Variants in ATG7 observed in about 807,000 individuals in gnomAD.
ATG7 encodes autophagy related 7.
ATG7 carries 70 observed loss-of-function variants against 82.4 expected under a neutral mutation model. That is an observed-to-expected ratio of 0.85 (90% CI 0.70 to 1.04). The LOEUF (loss-of-function observed/expected upper bound fraction) is 1.04, where lower values mean the gene tolerates loss of function less well. Among genes scored for constraint, ATG7 ranks in the 50% least tolerant of loss-of-function variants. The pLI, the probability that ATG7 is intolerant of heterozygous loss-of-function variation, is 0.00. For synonymous variants in ATG7, 287 were observed against 313.0 expected (o/e 0.92, Z 0.88); for missense variants, 792 against 864.3 (o/e 0.92, Z 1.05).
chr3:11,302,769 G>T (rs1032986393), intron 5 of ATG7, among the ~76,000 whole-genome samples: 1 of 152,212 alleles, frequency 6.6e-6, no homozygotes, highest in African/African-American at 2.4e-5. Context: ...TAGATGTCAA[G>T]AGTATCTCAG....
At chr3:11,486,588 G>T (rs1471480960) in intron 20 of ATG7, among the ~76,000 whole-genome samples, 1 of 151,494 alleles carries the variant, frequency 6.6e-6, no homozygotes, top group African/African-American at 2.4e-5. Context: ...AATAGGAGTG[G>T]TGAGAGAGGG....
chr3:11,301,639 A>G (rs1260978255), intron 5 of ATG7, among the ~76,000 whole-genome samples: 1 of 152,198 alleles, frequency 6.6e-6, no homozygotes, highest in Non-Finnish European at 1.5e-5. Flanking sequence ...CTGTCAAAAG[A>G]AATAAAATCC....
downstream of ATG7, chr3:11,559,308 G>T (rs766500805): frequency 4.6e-6 from 7 of 1,518,678 alleles, no homozygotes; most frequent in South Asian, 5.1e-5. Flanking sequence ...AGCTGTGACA[G>T]GTGAGGAGGC....
At chr3:11,403,843 C>G (rs963298177) in intron 19 of ATG7, among the ~76,000 whole-genome samples, 7 of 152,190 alleles carry the variant, frequency 4.6e-5, no homozygotes, top group Non-Finnish European at 8.8e-5. Context: ...ACTCCTTATG[C>G]AGAAACACGC....
Position 11,402,057 on chromosome 3 carries a change from CAG to C in ATG7, c.1956+22006_1956+22007del, listed in dbSNP as rs1157466035. Among the ~76,000 whole-genome samples the C allele has an allele frequency of 2.6e-5, 4 of 152,082 alleles. No individual in the cohort carries two copies. In the East Asian group the frequency reaches 7.7e-4, roughly 29 times the overall value. On this transcript the variant is annotated intron_variant, in intron 19 of 20. Transcript: ENST00000693202. ...CATGTAAATACCCATGCAACTGAGA[CAG>C]GAATAATAACAGGGTGGTCGCAGGA...
In ATG7 at chr3:11,358,526, A is replaced by C; in HGVS notation, c.1393A>C (p.Ile465Leu). Residue 465 changes from isoleucine to leucine, a missense_variant, in exon 15 of 21, where the codon ATC becomes CTC. Transcript: ENST00000693202. ...AGATGTGGAGCAACTGGAGCAGCTCATCGAAAGCCATGATGTCGTCTTCCT... is the reference window on the plus strand; with the variant it reads ...AGATGTGGAGCAACTGGAGCAGCTCCTCGAAAGCCATGATGTCGTCTTCCT... ...RRDVEQLEQL[I>L]ESHDVVFLLM... The C allele has an allele frequency of 1.2e-6, 2 of 1,614,114 alleles. No individual in the cohort carries two copies. Among genetic ancestry groups the C allele is most frequent in the East Asian group, 4.5e-5 (2 of 44,880 alleles).
At chr3:11,462,841 TTTTATTTATTTATTTATTTATTTATTTA>T (rs200412655) in intron 20 of ATG7, among the ~76,000 whole-genome samples, 19 of 135,414 alleles carry the variant, frequency 1.4e-4, no homozygotes, top group Non-Finnish European at 2.0e-4. Context: ...TCTCAGATAT[TTTTATTTATTTATTTATTTATTTATTTA>T]TTTATTTATT....
At chr3:11,507,539 A>G (rs2091801319) in intron 20 of ATG7, among the ~76,000 whole-genome samples, 1 of 152,246 alleles carries the variant, frequency 6.6e-6, no homozygotes, top group Non-Finnish European at 1.5e-5. Context: ...GAAAATACCT[A>G]TAATTTCTGT....
chr3:11,313,008 G>A (rs1376080859), intron 7 of ATG7, among the ~76,000 whole-genome samples: 1 of 152,144 alleles, frequency 6.6e-6, no homozygotes, highest in African/African-American at 2.4e-5. Context: ...TAGGTTAAAG[G>A]ATGATGATGA....
At chr3:11,311,256 T>G (rs1948615843) in intron 7 of ATG7, among the ~76,000 whole-genome samples, 1 of 152,134 alleles carries the variant, frequency 6.6e-6, no homozygotes, top group African/African-American at 2.4e-5. Context: ...AAAAGAATCC[T>G]AAGAAATGCA....
intron 18 of ATG7, among the ~76,000 whole-genome samples, chr3:11,379,662 A>C (rs557691011): frequency 1.3e-5 from 2 of 152,332 alleles, no homozygotes; most frequent in African/African-American, 4.8e-5. Flanking sequence ...TTTGGAAGAC[A>C]TTTGTTAAAA....
chr3:11,420,819 G>C (rs533308113), intron 19 of ATG7, among the ~76,000 whole-genome samples: 2 of 147,352 alleles, frequency 1.4e-5, no homozygotes, highest in African/African-American at 2.5e-5. Context: ...GCAATGGCGC[G>C]ATCTCGGCTC....
chr3:11,546,156 A>G (rs1184433912), intron 20 of ATG7, among the ~76,000 whole-genome samples: 2 of 146,594 alleles, frequency 1.4e-5, no homozygotes, highest in Non-Finnish European at 1.5e-5. Context: ...GAAATGCCAA[A>G]ACTGGATTTT....
intron 9 of ATG7, among the ~76,000 whole-genome samples, chr3:11,327,660 GA>G (rs1951069830): frequency 6.6e-6 from 1 of 152,198 alleles, no homozygotes; most frequent in Admixed American, 6.5e-5. Context: ...ACTCAAGCCA[GA>G]CTCCAGATCG....
intron 11 of ATG7, among the ~76,000 whole-genome samples, chr3:11,337,658 T>A (rs1283584593): frequency 6.6e-6 from 1 of 152,104 alleles, no homozygotes; most frequent in Non-Finnish European, 1.5e-5. Flanking sequence ...ATTATTATTA[T>A]TTTTTGAGAG....
chr3:11,421,281 T>C (rs113803535), intron 19 of ATG7, among the ~76,000 whole-genome samples: 5,855 of 152,290 alleles, frequency 0.038, 123 homozygotes, highest in African/African-American at 0.051. Context: ...CATGCAGTGC[T>C]GTTTGATAGC....
At chr3:11,358,667 G>C in intron 15 of ATG7, 55 bp downstream of exon 15, 1 of 1,560,880 alleles carries the variant, frequency 6.4e-7, no homozygotes. Flanking sequence ...ACTCCAGAGG[G>C]AGGAGTGTCC....
At chr3:11,341,752 C>T (rs558381905) in intron 12 of ATG7, among the ~76,000 whole-genome samples, 2 of 152,228 alleles carry the variant, frequency 1.3e-5, no homozygotes, top group Admixed American at 6.5e-5. Context: ...CTGGCCTGAG[C>T]GCAGGAGATA....
intron 20 of ATG7, among the ~76,000 whole-genome samples, chr3:11,430,584 A>G (rs1576360858): frequency 1.3e-5 from 2 of 152,330 alleles, no homozygotes; most frequent in South Asian, 4.1e-4. Context: ...TTACCATTAT[A>G]TACTTTGTTT....
Sources: allele counts gnomAD v4.1 joint callset (sites outside exome capture counted in the v4.1 genomes callset), GRCh38; gene constraint gnomAD v4.1.1; transcripts MANE v1.5; gene names NCBI Gene and HGNC (gene_info 2026-07-23, HGNC 2026-07-21).